Variants in SNAP25 observed in about 807,000 individuals in gnomAD.
SNAP25 encodes synaptosome associated protein 25, also known as synaptosomal-associated protein 25.
A neutral mutation model predicts 28.7 loss-of-function variants in SNAP25; 3 were observed. The observed-to-expected ratio is 0.10, with a 90% confidence interval of 0.05 to 0.27. The LOEUF (loss-of-function observed/expected upper bound fraction) is 0.27, where lower values mean the gene tolerates loss of function less well. SNAP25 is among the 10% of genes least tolerant of loss of function. SNAP25 has a pLI of 1.00. For missense variants in SNAP25, 117 were observed against 278.7 expected, an observed-to-expected ratio of 0.42 and a Z score of 4.13; for synonymous variants, 61 against 88.1, an observed-to-expected ratio of 0.69 and a Z score of 1.72.
intron 1 of SNAP25, among the ~76,000 whole-genome samples, chr20:10,263,049 C>G (rs1302944050): frequency 8.4e-6 from 1 of 119,280 alleles, no homozygotes; most frequent in African/African-American, 3.1e-5. Flanking sequence ...GACGGAGTCT[C>G]GCTCTGTCGC....
At chr20:10,296,674 C>A in intron 5 of SNAP25, 1 of 463,322 alleles carries the variant, frequency 2.2e-6, no homozygotes, top group South Asian at 3.0e-5. Context: ...CAAAACAAAC[C>A]AAAACAAGAA....
chr20:10,252,132 A>G (rs2063240403), intron 1 of SNAP25, among the ~76,000 whole-genome samples: 1 of 152,244 alleles, frequency 6.6e-6, no homozygotes, highest in South Asian at 2.1e-4. Flanking sequence ...GGAGACACCC[A>G]CGTGCAAACT....
intron 1 of SNAP25, among the ~76,000 whole-genome samples, chr20:10,263,755 G>A (rs150215941): frequency 1.3e-5 from 2 of 152,276 alleles, no homozygotes; most frequent in East Asian, 1.9e-4. Flanking sequence ...GGTTTCTTGC[G>A]AGAGCTCCTA....
At chr20:10,229,943 T>G (rs963341727) in intron 1 of SNAP25, among the ~76,000 whole-genome samples, 2 of 152,130 alleles carry the variant, frequency 1.3e-5, no homozygotes, top group African/African-American at 4.8e-5. Context: ...AGAGTCAGAT[T>G]ATCAGATTTC....
intron 1 of SNAP25, among the ~76,000 whole-genome samples, chr20:10,270,828 A>G (rs2063580959): frequency 6.6e-6 from 1 of 152,188 alleles, no homozygotes; most frequent in Non-Finnish European, 1.5e-5. Flanking sequence ...CTCTGGGGGA[A>G]GTTTCAGAAG....
At chr20:10,285,895 T>C (rs757276799) in intron 4 of SNAP25, among the ~76,000 whole-genome samples, 6 of 152,296 alleles carry the variant, frequency 3.9e-5, no homozygotes, top group Non-Finnish European at 8.8e-5. Flanking sequence ...TAAAAAATGA[T>C]AATAACCAGT....
chr20:10,246,872 T>A (rs1012525987), intron 1 of SNAP25, among the ~76,000 whole-genome samples: 5 of 152,176 alleles, frequency 3.3e-5, no homozygotes, highest in African/African-American at 9.7e-5. Flanking sequence ...CTGTCCTGCA[T>A]GTAGTTGCAA....
intron 3 of SNAP25, among the ~76,000 whole-genome samples, chr20:10,282,799 A>G (rs1193729037): frequency 6.6e-6 from 1 of 152,254 alleles, no homozygotes; most frequent in African/African-American, 2.4e-5. Flanking sequence ...TCTGCCTTTT[A>G]TAATTTCATC....
intron 4 of SNAP25, 66 bp downstream of exon 4, chr20:10,284,838 G>A: frequency 7.7e-7 from 1 of 1,305,166 alleles, no homozygotes; most frequent in Non-Finnish European, 1.1e-6. Flanking sequence ...AAAATTATTT[G>A]TGCATACGCA....
At chr20:10,274,726 C>T (rs1374488956) in intron 1 of SNAP25, among the ~76,000 whole-genome samples, 3 of 152,070 alleles carry the variant, frequency 2.0e-5, no homozygotes, top group Non-Finnish European at 4.4e-5. Context: ...ACCTGTAGTC[C>T]CAGCTACTCG....
intron 3 of SNAP25, among the ~76,000 whole-genome samples, chr20:10,279,094 T>A (rs1286977500): frequency 6.6e-6 from 1 of 152,224 alleles, no homozygotes; most frequent in Non-Finnish European, 1.5e-5. Context: ...CAATATTTTA[T>A]CTGCACTGTC....
At chr20:10,301,042 G>A (rs1390233656) in intron 7 of SNAP25, among the ~76,000 whole-genome samples, 1 of 152,176 alleles carries the variant, frequency 6.6e-6, no homozygotes, top group Non-Finnish European at 1.5e-5. Context: ...TGCAGATGCA[G>A]CTAGATAATG....
chr20:10,295,002 A>C (rs143358362), intron 5 of SNAP25, among the ~76,000 whole-genome samples: 1 of 152,222 alleles, frequency 6.6e-6, no homozygotes, highest in African/African-American at 2.4e-5. Flanking sequence ...TAATGAAATG[A>C]TGGCTCCTAC....
intron 1 of SNAP25, among the ~76,000 whole-genome samples, chr20:10,265,257 C>T (rs143820567): frequency 5.6e-4 from 85 of 152,328 alleles, no homozygotes; most frequent in African/African-American, 9.9e-4. Flanking sequence ...AAATTTACAA[C>T]TATGAACACG....
intron 1 of SNAP25, among the ~76,000 whole-genome samples, chr20:10,260,989 G>T (rs1170568096): frequency 6.6e-6 from 1 of 151,994 alleles, no homozygotes; most frequent in Non-Finnish European, 1.5e-5. Context: ...TCTGCTTAGG[G>T]TACCATGACT....
intron 4 of SNAP25, among the ~76,000 whole-genome samples, chr20:10,288,187 T>C (rs1229253437): frequency 6.6e-6 from 1 of 151,872 alleles, no homozygotes; most frequent in East Asian, 1.9e-4. Flanking sequence ...ATTTAAAAAA[T>C]AAATAAATAA....
At chr20:10,268,399 T>A (rs1447227100) in intron 1 of SNAP25, among the ~76,000 whole-genome samples, 1 of 152,172 alleles carries the variant, frequency 6.6e-6, no homozygotes, top group East Asian at 1.9e-4. Flanking sequence ...GATTTATACA[T>A]ATTTGTTAGT....
intron 1 of SNAP25, among the ~76,000 whole-genome samples, chr20:10,263,004 G>A (rs961594894): frequency 8.4e-5 from 11 of 131,634 alleles, no homozygotes; most frequent in Non-Finnish European, 1.3e-4. Flanking sequence ...CAACCCTGGG[G>A]TGCTCTTTTT....
chr20:10,260,498 C>A (rs117406884), intron 1 of SNAP25, among the ~76,000 whole-genome samples: 1 of 151,924 alleles, frequency 6.6e-6, no homozygotes, highest in East Asian at 1.9e-4. Flanking sequence ...GAACCACCAC[C>A]AGCAGCAGCA....
Sources: gnomAD v4.1 joint callset for allele counts (sites outside exome capture counted in the v4.1 genomes callset) on GRCh38, gnomAD v4.1.1 for gene constraint, MANE v1.5 for transcripts, NCBI Gene and HGNC (gene_info 2026-07-23, HGNC 2026-07-21) for gene names.